The following NDUFS4 variants were observed in gnomAD, a reference collection of about 807,000 sequenced individuals.
NDUFS4 encodes the protein NADH dehydrogenase [ubiquinone] iron-sulfur protein 4, mitochondrial.
A neutral mutation model predicts 24.3 loss-of-function variants in NDUFS4; 28 were observed. The observed-to-expected ratio is 1.15, with a 90% CI of 0.85 to 1.58. NDUFS4 has a LOEUF of 1.58. NDUFS4 is among the 40% of genes most tolerant of loss of function. NDUFS4 has a pLI of 0.00. For missense variants in NDUFS4, 223 were observed against 207.9 expected, an observed-to-expected ratio of 1.07 and a Z score of -0.45; for synonymous variants, 93 against 69.7, an observed-to-expected ratio of 1.34 and a Z score of -1.67.
At chr5:53,669,424 C>A (rs114781143) in intron 4 of NDUFS4, among the ~76,000 whole-genome samples, 29 of 152,256 alleles carry the variant, frequency 1.9e-4, no homozygotes, top group Admixed American at 2.6e-4. Context: ...TCATTCTTAT[C>A]CCTGCCTATG....
chr5:53,584,173 A>C (rs951433080), intron 1 of NDUFS4, among the ~76,000 whole-genome samples: 2 of 152,300 alleles, frequency 1.3e-5, no homozygotes, highest in Admixed American at 6.5e-5. Context: ...TGGCATTGCG[A>C]TTATTGTTTA....
At chr5:53,608,251 A>G (rs186940478) in intron 2 of NDUFS4, among the ~76,000 whole-genome samples, 2 of 152,322 alleles carry the variant, frequency 1.3e-5, no homozygotes, top group African/African-American at 4.8e-5. Context: ...CAAAAATGCT[A>G]ACGATCAGCT....
At chr5:53,600,442 G>C (rs1204917052) in intron 1 of NDUFS4, among the ~76,000 whole-genome samples, 3 of 152,034 alleles carry the variant, frequency 2.0e-5, no homozygotes, top group Admixed American at 1.3e-4. Context: ...CTGAGTAGCT[G>C]GGACTACAGG....
chr5:53,658,533 A>C lies in NDUFS4; in HGVS notation c.351-18A>C, dbSNP rs755113469. 6 of 1,600,868 alleles carry C rather than the reference A, an allele frequency of 3.7e-6. No individual in the cohort carries two copies. The highest frequency in any genetic ancestry group is 5.1e-6 in the Non-Finnish European group (6 of 1,168,580). Reference sequence around the variant, plus strand: ...AAAGCTTAATGTTAAATCTTGGAAAAAAATTTGTTTCTTACAGGGCTGATC... The same window carrying C: ...AAAGCTTAATGTTAAATCTTGGAAACAAATTTGTTTCTTACAGGGCTGATC... On this transcript the variant is annotated intron_variant, in intron 3 of 4. Coordinates refer to ENST00000296684, the MANE Select transcript of NDUFS4 (RefSeq NM_002495.4).
chr5:53,615,808 A>G (rs1436154685), intron 2 of NDUFS4, among the ~76,000 whole-genome samples: 1 of 152,140 alleles, frequency 6.6e-6, no homozygotes, highest in African/African-American at 2.4e-5. Context: ...TCTCTAAACA[A>G]CATATAGGAT....
intron 1 of NDUFS4, among the ~76,000 whole-genome samples, chr5:53,600,372 C>T (rs775717906): frequency 1.1e-4 from 17 of 151,812 alleles, no homozygotes; most frequent in Non-Finnish European, 1.6e-4. Context: ...TGCAGTGGTG[C>T]GATCTCGGCT....
At chr5:53,640,092 T>TC (rs1343222629) in intron 2 of NDUFS4, among the ~76,000 whole-genome samples, 1 of 151,438 alleles carries the variant, frequency 6.6e-6, no homozygotes, top group East Asian at 1.9e-4. Flanking sequence ...TTTTTTTTTT[T>TC]CCTCTTCTCA....
chr5:53,683,058 C>A (rs564809492), intron 4 of NDUFS4, 60 bp from the exon 5 acceptor site: 4 of 1,121,468 alleles, frequency 3.6e-6, no homozygotes, highest in East Asian at 4.7e-5. Context: ...GCTTGCTGTG[C>A]TTTTCAGGTA....
intron 2 of NDUFS4, among the ~76,000 whole-genome samples, chr5:53,619,994 G>A (rs1750980139): frequency 1.3e-5 from 2 of 151,938 alleles, no homozygotes; most frequent in African/African-American, 4.8e-5. Context: ...TCTTTGAAGT[G>A]GAATTACTAA....
chr5:53,572,732 C>T (rs1749252542), intron 1 of NDUFS4, among the ~76,000 whole-genome samples: 1 of 151,648 alleles, frequency 6.6e-6, no homozygotes, highest in East Asian at 1.9e-4. Flanking sequence ...CAACCTCTGC[C>T]TCCTGGGTTC....
At chr5:53,589,469 A>G (rs572373342) in intron 1 of NDUFS4, among the ~76,000 whole-genome samples, 40 of 152,364 alleles carry the variant, frequency 2.6e-4, no homozygotes, top group African/African-American at 9.6e-4. Flanking sequence ...GCAGTTAGGC[A>G]TTGACTTCTA....
intron 1 of NDUFS4, among the ~76,000 whole-genome samples, chr5:53,560,999 G>C (rs1438907060): frequency 6.6e-6 from 1 of 152,184 alleles, no homozygotes; most frequent in Non-Finnish European, 1.5e-5. Flanking sequence ...TTCGTATTCG[G>C]CTTGTCGCTG....
chr5:53,572,586 C>T (rs958183939), intron 1 of NDUFS4, among the ~76,000 whole-genome samples: 3 of 151,020 alleles, frequency 2.0e-5, no homozygotes, highest in Non-Finnish European at 4.4e-5. Flanking sequence ...ATTGTGCTTT[C>T]GTTGTTGAGC....
At position 53,586,453 on chromosome 5, in the gene NDUFS4, A is replaced by G. The variant is rs1015540566; in HGVS notation, c.99-16999A>G. Among the ~76,000 whole-genome samples, 3 of 152,152 alleles carry G rather than the reference A, an allele frequency of 2.0e-5. No homozygotes were observed. The East Asian group carries it at 5.8e-4, about 29-fold the overall frequency. On this transcript the variant is annotated intron_variant, in intron 1 of 4. Transcript: ENST00000296684. The stretch of plus-strand genomic sequence containing the variant: ...AAAAATGATTGCATTAGAACAGGCC[A>G]TAGGTAGCAAACTTTACTGTAGTTG...
chr5:53,641,958 A>G (rs1751716697), intron 2 of NDUFS4, among the ~76,000 whole-genome samples: 1 of 152,148 alleles, frequency 6.6e-6, no homozygotes, highest in Admixed American at 6.6e-5. Flanking sequence ...TTAATGTTTC[A>G]ATATGTGCTC....
At chr5:53,567,002 C>T (rs1051040893) in intron 1 of NDUFS4, among the ~76,000 whole-genome samples, 4 of 151,958 alleles carry the variant, frequency 2.6e-5, no homozygotes, top group African/African-American at 9.7e-5. Flanking sequence ...GCGCGCACCA[C>T]CACGCCTGGA....
intron 4 of NDUFS4, among the ~76,000 whole-genome samples, chr5:53,660,867 T>C (rs912437484): frequency 7.9e-5 from 12 of 152,190 alleles, no homozygotes; most frequent in African/African-American, 2.9e-4. Flanking sequence ...TTCTTGTAAA[T>C]TTGTTTGAGT....
At chr5:53,602,842 A>C (rs1482852567) in intron 1 of NDUFS4, among the ~76,000 whole-genome samples, 2 of 152,160 alleles carry the variant, frequency 1.3e-5, no homozygotes, top group Non-Finnish European at 2.9e-5. Flanking sequence ...AAGTAATTGG[A>C]GTGAGAGTAG....
intron 4 of NDUFS4, among the ~76,000 whole-genome samples, chr5:53,666,450 G>A (rs1752517080): frequency 6.6e-6 from 1 of 152,180 alleles, no homozygotes; most frequent in African/African-American, 2.4e-5. Flanking sequence ...TCTATAGAAA[G>A]TGTAACTTTA....
Sources: allele counts gnomAD v4.1 joint callset (sites outside exome capture counted in the v4.1 genomes callset), GRCh38; gene constraint gnomAD v4.1.1; transcripts MANE v1.5; gene names NCBI Gene and HGNC (gene_info 2026-07-23, HGNC 2026-07-21).